EPB41L1: variants seen among roughly 807,000 people sequenced by gnomAD.
The protein encoded by EPB41L1 is band 4.1-like protein 1.
In EPB41L1, 29 loss-of-function variants were observed where a neutral mutation model predicts 97.8. The observed-to-expected ratio is 0.30, with a 90% confidence interval of 0.22 to 0.40. The LOEUF (loss-of-function observed/expected upper bound fraction) is 0.40, where lower values mean the gene tolerates loss of function less well. Ranked by LOEUF, EPB41L1 falls within the 10% of genes least tolerant of loss-of-function variation. EPB41L1 has a pLI of 1.00. For synonymous variants in EPB41L1, 383 were observed against 459.2 expected (o/e 0.83, Z 2.12); for missense variants, 812 against 1,162.3 (o/e 0.70, Z 4.38).
At chr20:36,188,641 CAGAGAGAG>C (rs112151910) in intron 9 of EPB41L1, 142 bp downstream of exon 9, 104 of 273,738 alleles carry the variant, frequency 3.8e-4, no homozygotes, top group Middle Eastern at 2.4e-3. Context: ...CACACACACA[CAGAGAGAG>C]AGAGAGAGAG....
intron 21 of EPB41L1, among the ~76,000 whole-genome samples, chr20:36,227,671 C>G (rs894523177): frequency 6.6e-6 from 1 of 152,176 alleles, no homozygotes; most frequent in African/African-American, 2.4e-5. Flanking sequence ...GGGTGTTTGT[C>G]TTACTGGTCT....
intron 1 of EPB41L1, among the ~76,000 whole-genome samples, chr20:36,107,440 T>TGAA (rs989422917): frequency 2.0e-5 from 3 of 151,802 alleles, no homozygotes; most frequent in Non-Finnish European, 2.9e-5. Flanking sequence ...AGGCTAGTCT[T>TGAA]GAACTCCTGA....
intron 14 of EPB41L1, 111 bp downstream of exon 14, chr20:36,198,152 T>C: frequency 9.9e-7 from 1 of 1,012,868 alleles, no homozygotes; most frequent in Non-Finnish European, 1.5e-6. Flanking sequence ...CCATTGCTGC[T>C]TAGGGGCTGG....
intron 3 of EPB41L1, 117 bp from the exon 4 acceptor site, chr20:36,177,835 G>A (rs2145999249): frequency 2.4e-6 from 2 of 824,216 alleles, no homozygotes; most frequent in Non-Finnish European, 4.1e-6. Flanking sequence ...CTGCATTCCT[G>A]TCCAGACACC....
At chr20:36,161,947 A>G (rs2060544972) in intron 1 of EPB41L1, among the ~76,000 whole-genome samples, 1 of 152,102 alleles carries the variant, frequency 6.6e-6, no homozygotes, top group Admixed American at 6.5e-5. Flanking sequence ...GGCACAGGGT[A>G]AAGACAGTGT....
intron 2 of EPB41L1, among the ~76,000 whole-genome samples, chr20:36,132,774 C>T (rs958301593): frequency 8.5e-5 from 13 of 152,148 alleles, no homozygotes; most frequent in Non-Finnish European, 2.9e-5. Flanking sequence ...GGCAGTGCAC[C>T]TGTGATAGTG....
At position 36,206,904 on chromosome 20, in the gene EPB41L1, T is replaced by C; in HGVS notation, c.1669-2584T>C. On this transcript the variant is annotated intron_variant, in intron 14 of 21. Coordinates refer to ENST00000338074, the MANE Select transcript of EPB41L1 (RefSeq NM_012156.2). This position sits in a 1 kb window ranked among gnomAD's most constrained non-coding sequence, Gnocchi z 5.5. ...CTCCTCACAGAGGACAGGGCGTGCA[T>C]CCCGACCCCCAGGCCTGCGCCCTTC... 1 of 1,289,848 alleles carries C rather than the reference T, an allele frequency of 7.8e-7. No homozygotes were observed. The highest frequency in any genetic ancestry group is 1.0e-6 in the Non-Finnish European group (1 of 988,884). 79.9% of individuals were successfully genotyped at this position (1,289,848 alleles called of 1,614,324 possible).
chr20:36,229,626 A>G lies in EPB41L1; in HGVS notation c.*286A>G. On this transcript the variant is annotated 3_prime_UTR_variant, in exon 22 of 22. Transcript: ENST00000338074. ...CTACATTTCCTTTGCAGACAAATTG[A>G]AGAACTGGTGGGATTTTTTTCAAGA... The G allele has an allele frequency of 3.0e-6, 1 of 336,910 alleles. No homozygotes were observed. Among genetic ancestry groups the G allele is most frequent in the Non-Finnish European group, 5.4e-6 (1 of 186,648 alleles). The allele number at this position is 336,910 out of a possible 1,614,324, so 20.9% of individuals were successfully genotyped here. A position where few individuals can be genotyped will look rare whatever the true frequency, so the allele number is the denominator to read the frequency against.
intron 15 of EPB41L1, 112 bp downstream of exon 15, chr20:36,210,010 C>A: frequency 1.5e-6 from 2 of 1,322,604 alleles, no homozygotes; most frequent in Non-Finnish European, 2.1e-6. Context: ...AGCTCTGTCT[C>A]GTGTTGCATG....
In EPB41L1 at chr20:36,221,110, G is replaced by C. The variant is rs938941619; in HGVS notation, c.2440-754G>C. ...AGCTCAGGAAACTCTTCTTCCCAAA[G>C]TCCCTGCCAACTGGGAGCCCCCTCT... On this transcript the variant is annotated intron_variant, in intron 19 of 21. Coordinates refer to ENST00000338074, the MANE Select transcript of EPB41L1 (RefSeq NM_012156.2). Among the ~76,000 whole-genome samples, 19 of 152,170 alleles carry C rather than the reference G, an allele frequency of 1.2e-4. 1 individual carries two copies. The highest frequency in any genetic ancestry group is 5.9e-5 in the Non-Finnish European group (4 of 68,038).
At chr20:36,177,902 T>C (rs1569217463) in intron 3 of EPB41L1, 50 bp from the exon 4 acceptor site, 1 of 1,472,264 alleles carries the variant, frequency 6.8e-7, no homozygotes, top group East Asian at 2.3e-5. Context: ...TCTCCCAGCC[T>C]CGCCCCGGGG....
intron 14 of EPB41L1, chr20:36,208,458 C>T: frequency 3.0e-6 from 1 of 328,512 alleles, no homozygotes; most frequent in Non-Finnish European, 6.1e-6. Flanking sequence ...TTCACCCGGC[C>T]AGGATGCATC....
chr20:36,151,237 C>G (rs2060036730), upstream of EPB41L1: 1 of 152,200 alleles, frequency 6.6e-6, no homozygotes. Flanking sequence ...TAAGTTCCAT[C>G]CAGTTAAAAT....
Position 36,212,684 on chromosome 20 carries a change from T to C in EPB41L1, c.2184+308T>C, listed in dbSNP as rs976373718. ...ATATTGGGAGGACTGTACTGACTAG[T>C]GGATTGGGACCTTGGTGTTCACATT... On this transcript the variant is annotated intron_variant, in intron 16 of 21. Transcript: ENST00000338074. The surrounding 1 kb of genome is among the most constrained non-coding windows in gnomAD (Gnocchi z 4.8). Among the ~76,000 whole-genome samples, 2 of 152,166 alleles carry C rather than the reference T, an allele frequency of 1.3e-5. No individual in the cohort carries two copies. Among genetic ancestry groups the C allele is most frequent in the Non-Finnish European group, 2.9e-5 (2 of 68,016 alleles).
Position 36,173,947 on chromosome 20 carries a change from C to T in EPB41L1, c.170C>T (p.Ala57Val), listed in dbSNP as rs1272750130. Residue 57 changes from alanine to valine, a missense_variant, in exon 2 of 22, where the codon GCT becomes GTT. Physicochemically the swap from Ala to Val is moderately conservative, Grantham distance 64. Transcript: ENST00000338074. The part of the protein sequence containing the change: ...KHPSQQDTRP[A>V]EQSLDMEEKD... Reference sequence around the variant, plus strand: ...CCATCCCAGCAGGACACGCGGCCTGCTGAACAGGTGTGTGCCCGAGAGCAT... The same window carrying T: ...CCATCCCAGCAGGACACGCGGCCTGTTGAACAGGTGTGTGCCCGAGAGCAT... 6.2e-7 allele frequency: 1 copy of T among 1,612,726 alleles called. No individual in the cohort carries two copies. Among genetic ancestry groups the T allele is most frequent in the Admixed American group, 1.7e-5 (1 of 59,836 alleles).
intron 17 of EPB41L1, 144 bp from the exon 18 acceptor site, chr20:36,218,732 G>A (rs181034021): frequency 5.7e-5 from 43 of 760,418 alleles, no homozygotes; most frequent in Middle Eastern, 2.4e-4. Flanking sequence ...TGAATGAGGC[G>A]GAACTGAACG....
At chr20:36,130,756 T>C (rs917151442) in intron 2 of EPB41L1, among the ~76,000 whole-genome samples, 1 of 139,298 alleles carries the variant, frequency 7.2e-6, no homozygotes, top group African/African-American at 2.8e-5. Context: ...TTTTTTATTT[T>C]TCTCTCTCTC....
chr20:36,110,401 GC>G (rs2058354533), intron 1 of EPB41L1, among the ~76,000 whole-genome samples: 1 of 152,124 alleles, frequency 6.6e-6, no homozygotes, highest in Non-Finnish European at 1.5e-5. Flanking sequence ...CTTCAGCTCA[GC>G]CCCAGCAGGA....
In EPB41L1 at chr20:36,209,778, G is replaced by A. The variant is rs1192478374; in HGVS notation, c.1959G>A (p.Glu653=). 1 of 1,613,964 alleles carries A rather than the reference G, an allele frequency of 6.2e-7. No individual in the cohort carries two copies. Among genetic ancestry groups the A allele is most frequent in the Non-Finnish European group, 8.5e-7 (1 of 1,180,042 alleles). Residue 653 remains glutamate, a synonymous_variant, in exon 15 of 22, where the codon GAG becomes GAA. Coordinates refer to ENST00000338074, the MANE Select transcript of EPB41L1 (RefSeq NM_012156.2). This position sits in a 1 kb window ranked among gnomAD's most constrained non-coding sequence, Gnocchi z 4.2. ...LDRDKSDSDT[E]GLLFSRDLNK... ...GGGACAAAAGCGACTCGGACACTGA[G>A]GGCCTGCTGTTCTCCCGGGATCTCA...
Sources: allele counts gnomAD v4.1 joint callset (sites outside exome capture counted in the v4.1 genomes callset), GRCh38; gene constraint gnomAD v4.1.1; non-coding constraint Gnocchi (gnomAD v3.1); transcripts MANE v1.5; gene names NCBI Gene and HGNC (gene_info 2026-07-23, HGNC 2026-07-21).